COL5A3: variants seen among roughly 807,000 people sequenced by gnomAD.
The protein encoded by COL5A3 is collagen type V alpha 3 chain, also known as collagen alpha-3(V) chain.
In COL5A3, 172 loss-of-function variants were observed where a neutral mutation model predicts 250.0. That is an observed-to-expected ratio of 0.69 (90% confidence interval 0.61 to 0.78). The LOEUF (loss-of-function observed/expected upper bound fraction) is 0.78. COL5A3 is among the 30% of genes least tolerant of loss of function. COL5A3 has a pLI of 0.00. For synonymous variants in COL5A3, 937 were observed against 900.4 expected (o/e 1.04, Z -0.73); for missense variants, 2,340 against 2,334.4 (o/e 1.00, Z -0.05).
chr19:9,977,947 C>CACATAT (rs1325124285), intron 41 of COL5A3, among the ~76,000 whole-genome samples: 5 of 106,140 alleles, frequency 4.7e-5, no homozygotes, highest in Admixed American at 1.1e-4. Context: ...GCAGCCTATA[C>CACATAT]ATATATATAT....
intron 47 of COL5A3, 42 bp from the exon 48 acceptor site, chr19:9,974,014 T>A (rs767130438): frequency 1.3e-6 from 2 of 1,524,242 alleles, no homozygotes; most frequent in East Asian, 4.5e-5. Flanking sequence ...CCCAGGCCCC[T>A]CTCCCCAAAA....
chr19:9,989,479 T>C lies in COL5A3; in HGVS notation c.2036A>G (p.Asp679Gly), dbSNP rs767468431. ...NPGIPGLPGS[D>G]GPLGHPGHEG... Reference sequence around the variant, plus strand: ...GCTCATGGTTCTCACCAGAGGGCCATCGGATCCTGGGAGGCCTGGAATTCC... The same window carrying C: ...GCTCATGGTTCTCACCAGAGGGCCACCGGATCCTGGGAGGCCTGGAATTCC... Residue 679 changes from aspartate to glycine, a missense_variant, in exon 25 of 67, where the codon GAT becomes GGT. By Grantham distance (94) the Asp-to-Gly change is moderately conservative. Transcript: ENST00000264828. The C allele has an allele frequency of 6.2e-7, 1 of 1,613,452 alleles. No homozygotes were observed. Among genetic ancestry groups the C allele is most frequent in the South Asian group, 1.1e-5 (1 of 90,978 alleles).
chr19:9,997,303 G>T, intron 11 of COL5A3, 68 bp downstream of exon 11: 1 of 1,217,700 alleles, frequency 8.2e-7, no homozygotes, highest in Non-Finnish European at 1.2e-6. Context: ...TCTATGTTCA[G>T]ACTGTCACGC....
In COL5A3 at chr19:9,969,411, G is replaced by A. The variant is rs780215810; in HGVS notation, c.4099-9C>T. The A allele has an allele frequency of 1.2e-6, 2 of 1,606,810 alleles. No individual in the cohort carries two copies. Among genetic ancestry groups the A allele is most frequent in the Admixed American group, 1.7e-5 (1 of 57,880 alleles). On this transcript the variant is annotated splice_polypyrimidine_tract_variant and intron_variant, in intron 56 of 66. Coordinates refer to ENST00000264828, the MANE Select transcript of COL5A3 (RefSeq NM_015719.4). ...AGGAGGCCTGGTTCACCCTGAGAAT[G>A]GAACAGAACATGGGGTGGGCTGCAC...
intron 4 of COL5A3, among the ~76,000 whole-genome samples, 190 bp from the exon 5 acceptor site, chr19:10,004,335 T>C (rs902079592): frequency 2.0e-5 from 3 of 151,964 alleles, no homozygotes; most frequent in Non-Finnish European, 4.4e-5. Flanking sequence ...CCCCTGTAAC[T>C]AAGAGAAGGA....
chr19:9,991,965 G>A (rs1599217650), intron 22 of COL5A3, 39 bp downstream of exon 22: 2 of 1,590,148 alleles, frequency 1.3e-6, no homozygotes, highest in East Asian at 2.2e-5. Flanking sequence ...GGGTCAGAGT[G>A]TCAGAAGGGT....
chr19:9,991,716 G>C (rs2087193477), intron 23 of COL5A3, 62 bp from the exon 24 acceptor site: 4 of 1,602,832 alleles, frequency 2.5e-6, no homozygotes, highest in Non-Finnish European at 2.6e-6. Context: ...GTGGAGGTTG[G>C]GAAGCCTGGT....
Position 10,010,491 on chromosome 19 carries a change from G to T in COL5A3, c.-106C>A. ...ACTCGCGGCGGCCGCTCCTCTCAGG[G>T]TCCGCGGGAAACTGCCCGAGACCCC... On this transcript the variant is annotated 5_prime_UTR_variant, in exon 1 of 67. Transcript: ENST00000264828. 1.4e-6 allele frequency: 1 copy of T among 719,672 alleles called. No homozygotes were observed. The highest frequency in any genetic ancestry group is 2.0e-6 in the Non-Finnish European group (1 of 504,188). The allele number at this position is 719,672 out of a possible 1,614,324, so 44.6% of individuals were successfully genotyped here. A position where few individuals can be genotyped will look rare whatever the true frequency, so the allele number is the denominator to read the frequency against.
intron 11 of COL5A3, chr19:9,996,950 G>C (rs115580776): frequency 0.025 from 13,550 of 545,084 alleles, 1,243 homozygotes; most frequent in African/African-American, 0.22. Flanking sequence ...GACATACAGA[G>C]ACAGAAACAG....
intron 41 of COL5A3, among the ~76,000 whole-genome samples, chr19:9,977,985 T>TATATATATATATATATATATATATATATA (rs2086949247): frequency 7.6e-6 from 1 of 131,910 alleles, no homozygotes; most frequent in African/African-American, 2.8e-5. Context: ...TATATATATA[T>TATATATATATATATATATATATATATATA]TTGTAGAGAC....
At chr19:9,997,670 T>C (rs895504387) in intron 10 of COL5A3, among the ~76,000 whole-genome samples, 3 of 151,982 alleles carry the variant, frequency 2.0e-5, no homozygotes, top group Admixed American at 2.0e-4. Flanking sequence ...GGCGTGATCA[T>C]AGCTCACTGC....
chr19:9,977,109 C>T (rs916250562), intron 44 of COL5A3, 120 bp downstream of exon 44: 23 of 948,900 alleles, frequency 2.4e-5, no homozygotes, highest in Admixed American at 2.4e-4. Flanking sequence ...CAAGATGGTA[C>T]CCGAGAAGGC....
chr19:9,977,947 CATATATATATATAT>C lies in COL5A3; in HGVS notation c.3019-260_3019-247del, dbSNP rs372091609. On this transcript the variant is annotated intron_variant, in intron 41 of 66. Coordinates refer to ENST00000264828, the MANE Select transcript of COL5A3 (RefSeq NM_015719.4). ...GCCATAGTCCTCCTGGCAGCCTATA[CATATATATATATAT>C]ATATATATATATATATATATATATT... Among the ~76,000 whole-genome samples, 315 of 106,152 alleles carry C rather than the reference CATATATATATATAT, an allele frequency of 3.0e-3. 4 individuals carry two copies. Among genetic ancestry groups the C allele is most frequent in the African/African-American group, 8.8e-3 (281 of 31,760 alleles). 69.6% of individuals were successfully genotyped at this position (106,152 alleles called of 152,430 possible).
At chr19:9,996,182 C>G (rs546293031) in intron 14 of COL5A3, 24 bp downstream of exon 14, 4 of 1,558,664 alleles carry the variant, frequency 2.6e-6, no homozygotes, top group African/African-American at 2.7e-5. Context: ...TGCACCGCCC[C>G]CTCCACGCAG....
chr19:10,010,292 G>A lies in COL5A3; in HGVS notation c.88+6C>T, dbSNP rs1426644097. ...CCTGGGTCCCATCTCTTCCCTCCCG[G>A]CTCACCGGCCTGCGTCCCCGGCAGA... On this transcript the variant is annotated splice_donor_region_variant and intron_variant, in intron 1 of 66. Transcript: ENST00000264828. 1 of 1,435,142 alleles carries A rather than the reference G, an allele frequency of 7.0e-7. No homozygotes were observed. Among genetic ancestry groups the A allele is most frequent in the Non-Finnish European group, 9.2e-7 (1 of 1,089,120 alleles). 88.9% of individuals were successfully genotyped at this position (1,435,142 alleles called of 1,614,324 possible). A position where few individuals can be genotyped will look rare whatever the true frequency, so the allele number is the denominator to read the frequency against.
intron 8 of COL5A3, among the ~76,000 whole-genome samples, chr19:9,999,040 T>TTCTTTCTC (rs111319646): frequency 2.8e-5 from 4 of 145,078 alleles, no homozygotes; most frequent in Admixed American, 2.0e-4. Flanking sequence ...TTCTTTTTCT[T>TTCTTTCTC]TCTCTTTCTT....
rs758474707 is a variant in COL5A3 at position 9,989,497 on chromosome 19, G to A, written c.2018C>T (p.Pro673Leu). ...AGGGCCATCGGATCCTGGGAGGCCTGGAATTCCTGGGTTTCCAGGGGGACC... is the reference window on the plus strand; with the variant it reads ...AGGGCCATCGGATCCTGGGAGGCCTAGAATTCCTGGGTTTCCAGGGGGACC... The part of the protein sequence containing the change: ...EKGPPGNPGI[P>L]GLPGSDGPLG... The change falls in exon 25 of 67, where the codon CCA becomes CTA. Residue 673 changes from proline to leucine, a missense_variant. Pro to Leu is a moderately conservative substitution (Grantham distance 98). Coordinates refer to ENST00000264828, the MANE Select transcript of COL5A3 (RefSeq NM_015719.4). 2.5e-6 allele frequency: 4 copies of A among 1,612,952 alleles called. No homozygotes were observed. The highest frequency in any genetic ancestry group is 3.4e-6 in the Non-Finnish European group (4 of 1,179,416).
Position 9,969,401 on chromosome 19 carries a change from C to T in COL5A3, c.4100G>A (p.Gly1367Asp). 6.2e-7 allele frequency: 1 copy of T among 1,607,574 alleles called. No homozygotes were observed. The change falls in exon 57 of 67, where the codon GGT (glycine) becomes GAT (aspartate). Residue 1367 changes from glycine (G) to aspartate (D), a missense_variant and splice_region_variant. Gly to Asp is a moderately conservative substitution (Grantham distance 94). Around this residue, in one of 3 missense-constraint regions of COL5A3, gnomAD observed 1,179 missense variants for 1,162.6 expected, o/e 1.01. Transcript: ENST00000264828. Reference protein sequence around the residue: ...EGLRGIPGPVGEPGLLGAPGQ... With the variant: ...EGLRGIPGPVDEPGLLGAPGQ... The stretch of plus-strand genomic sequence containing the variant: ...AGGGGCTCCCAGGAGGCCTGGTTCA[C>T]CCTGAGAATGGAACAGAACATGGGG...
At chr19:9,969,427 T>A in intron 56 of COL5A3, 25 bp from the exon 57 acceptor site, 1 of 1,604,476 alleles carries the variant, frequency 6.2e-7, no homozygotes, top group Non-Finnish European at 8.5e-7. Context: ...GAACATGGGG[T>A]GGGCTGCACC....
Sources: gnomAD v4.1 joint callset for allele counts (sites outside exome capture counted in the v4.1 genomes callset) on GRCh38, gnomAD v4.1.1 for gene constraint, gnomAD v4.1.1 regional missense constraint, MANE v1.5 for transcripts, NCBI Gene and HGNC (gene_info 2026-07-23, HGNC 2026-07-21) for gene names.